The following ATRNL1 variants were observed in gnomAD, a reference collection of about 807,000 sequenced individuals.
ATRNL1 encodes the protein attractin like 1.
A neutral mutation model predicts 182.7 loss-of-function variants in ATRNL1; 95 were observed. The ratio of observed to expected loss-of-function variants is 0.52; its 90% CI spans 0.44 to 0.62. ATRNL1 has a LOEUF of 0.62. ATRNL1 is among the 20% of genes least tolerant of loss of function. ATRNL1 has a pLI of 0.00. For missense variants in ATRNL1, 1,471 were observed against 1,679.5 expected, an observed-to-expected ratio of 0.88 and a Z score of 2.17; for synonymous variants, 576 against 568.3, an observed-to-expected ratio of 1.01 and a Z score of -0.19.
At chr10:115,115,146 C>T (rs1554869503) in intron 1 of ATRNL1, among the ~76,000 whole-genome samples, 1 of 152,072 alleles carries the variant, frequency 6.6e-6, no homozygotes, top group African/African-American at 2.4e-5. Context: ...ACAAATATCA[C>T]CTGATCTCAC....
intron 22 of ATRNL1, among the ~76,000 whole-genome samples, chr10:115,465,652 T>C (rs1554970647): frequency 6.6e-6 from 1 of 151,484 alleles, no homozygotes; most frequent in East Asian, 1.9e-4. Context: ...TTCATGGGCA[T>C]TTATGAATAT....
chr10:115,099,411 C>T (rs2085104035), intron 1 of ATRNL1, among the ~76,000 whole-genome samples: 1 of 152,270 alleles, frequency 6.6e-6, no homozygotes, highest in South Asian at 2.1e-4. Flanking sequence ...GCCTTTTTAT[C>T]TTTGTATGGT....
intron 27 of ATRNL1, among the ~76,000 whole-genome samples, chr10:115,787,313 A>G (rs1182245993): frequency 6.6e-6 from 1 of 152,168 alleles, no homozygotes; most frequent in Admixed American, 6.5e-5. Flanking sequence ...TTGCAACATC[A>G]ATATATAGCC....
chr10:115,781,684 A>G (rs1949269897), intron 27 of ATRNL1, among the ~76,000 whole-genome samples: 1 of 152,196 alleles, frequency 6.6e-6, no homozygotes, highest in Admixed American at 6.5e-5. Context: ...AAGAGGGAAT[A>G]AGGCAAGTTT....
chr10:115,157,479 T>C (rs1400187612), intron 5 of ATRNL1, among the ~76,000 whole-genome samples: 2 of 151,814 alleles, frequency 1.3e-5, no homozygotes, highest in Non-Finnish European at 2.9e-5. Context: ...AATGGATTAA[T>C]TTAGAGTAAA....
intron 10 of ATRNL1, among the ~76,000 whole-genome samples, chr10:115,252,372 G>A (rs1554905592): frequency 6.6e-6 from 1 of 152,042 alleles, no homozygotes; most frequent in Non-Finnish European, 1.5e-5. Flanking sequence ...TCTTTCCTTA[G>A]CAGTCCCAGC....
chr10:115,271,199 C>G (rs1404470639), intron 13 of ATRNL1, among the ~76,000 whole-genome samples: 2 of 147,796 alleles, frequency 1.4e-5, no homozygotes, highest in African/African-American at 2.5e-5. Context: ...CACACACACA[C>G]AGATGTATTC....
intron 28 of ATRNL1, among the ~76,000 whole-genome samples, chr10:115,883,463 A>G (rs1589646145): frequency 6.6e-6 from 1 of 152,258 alleles, no homozygotes; most frequent in Non-Finnish European, 1.5e-5. Flanking sequence ...TTTTGTAGCT[A>G]AAAACTGGAA....
chr10:115,512,338 A>G (rs554746465), intron 24 of ATRNL1, among the ~76,000 whole-genome samples: 1 of 152,008 alleles, frequency 6.6e-6, no homozygotes, highest in Admixed American at 6.6e-5. Flanking sequence ...ATCATTTTTA[A>G]TACATTAAGA....
At chr10:115,737,269 T>TCCC (rs11326417) in intron 27 of ATRNL1, among the ~76,000 whole-genome samples, 1 of 140,632 alleles carries the variant, frequency 7.1e-6, no homozygotes, top group African/African-American at 2.8e-5. Flanking sequence ...CTACAAAACA[T>TCCC]CCCCCCCCCC....
At chr10:115,099,721 A>T (rs1188847255) in intron 1 of ATRNL1, among the ~76,000 whole-genome samples, 1 of 152,172 alleles carries the variant, frequency 6.6e-6, no homozygotes, top group Non-Finnish European at 1.5e-5. Context: ...CTTACTTGCC[A>T]TCCGTATATC....
intron 10 of ATRNL1, among the ~76,000 whole-genome samples, chr10:115,256,181 T>C (rs1437657081): frequency 3.3e-5 from 5 of 152,352 alleles, no homozygotes; most frequent in Admixed American, 3.3e-4. Context: ...TCCCTCTTTT[T>C]CTATTGATTG....
chr10:115,434,141 A>G (rs1554964450), intron 21 of ATRNL1, among the ~76,000 whole-genome samples: 1 of 151,940 alleles, frequency 6.6e-6, no homozygotes, highest in African/African-American at 2.4e-5. Flanking sequence ...TGTCCTGAGA[A>G]TGATTTTATG....
chr10:115,244,235 G>A (rs1397402639), intron 10 of ATRNL1, among the ~76,000 whole-genome samples: 1 of 152,062 alleles, frequency 6.6e-6, no homozygotes, highest in African/African-American at 2.4e-5. Flanking sequence ...AGGAATATTT[G>A]TACCATTTCT....
At chr10:115,266,218 T>C (rs1399479486) in intron 11 of ATRNL1, among the ~76,000 whole-genome samples, 10 of 151,774 alleles carry the variant, frequency 6.6e-5, no homozygotes, top group African/African-American at 2.2e-4. Context: ...AATTTAGTAT[T>C]GTCTAGGCTT....
At chr10:115,601,025 GCT>G (rs1856567585) in intron 26 of ATRNL1, among the ~76,000 whole-genome samples, 1 of 146,332 alleles carries the variant, frequency 6.8e-6, no homozygotes, top group Non-Finnish European at 1.5e-5. Context: ...CTTACAATCT[GCT>G]CTTTTTCTGC....
intron 19 of ATRNL1, among the ~76,000 whole-genome samples, chr10:115,340,206 C>T (rs190217573): frequency 2.6e-5 from 4 of 152,114 alleles, no homozygotes; most frequent in Admixed American, 1.3e-4. Flanking sequence ...TGCAGTGGCA[C>T]GATCTCAGCT....
chr10:115,345,360 G>C (rs1855929670), intron 19 of ATRNL1, among the ~76,000 whole-genome samples: 2 of 152,186 alleles, frequency 1.3e-5, no homozygotes, highest in African/African-American at 2.4e-5. Context: ...GTTTTGTTCA[G>C]TTCTCCTTTC....
intron 25 of ATRNL1, among the ~76,000 whole-genome samples, chr10:115,535,580 G>A (rs185655670): frequency 1.1e-3 from 166 of 152,264 alleles, no homozygotes; most frequent in African/African-American, 3.9e-3. Flanking sequence ...GGAGCAGTTT[G>A]ATTGTCTGAA....
Sources: allele counts gnomAD v4.1 joint callset (sites outside exome capture counted in the v4.1 genomes callset), GRCh38; gene constraint gnomAD v4.1.1; transcripts MANE v1.5; gene names NCBI Gene and HGNC (gene_info 2026-07-23, HGNC 2026-07-21).